SCO1: variants seen among roughly 807,000 people sequenced by gnomAD.
SCO1 encodes the protein cytochrome c oxidase assembly factor SCO1.
Under a neutral mutation model 34.0 loss-of-function variants are expected in SCO1, and 23 were observed. That is an observed-to-expected ratio of 0.68 (90% CI 0.49 to 0.96). SCO1 has a LOEUF of 0.96. Among genes scored for constraint, SCO1 ranks in the 40% least tolerant of loss-of-function variants. The pLI, the probability that SCO1 is intolerant of heterozygous loss-of-function variation, is 0.00. For synonymous variants in SCO1, 161 were observed against 145.5 expected, an observed-to-expected ratio of 1.11 and a Z score of -0.77; for missense variants, 404 against 381.6, an observed-to-expected ratio of 1.06 and a Z score of -0.49.
Position 10,681,027 on chromosome 17 carries a change from A to T in SCO1, c.*92T>A. On this transcript the variant is annotated 3_prime_UTR_variant, in exon 6 of 6. Transcript: ENST00000255390. ...GTATGAAGGCCATTCTGTAGAGTGC[A>T]CGTATATATGTTTATATTTATATAG... The T allele has an allele frequency of 7.0e-7, 1 of 1,419,862 alleles. No homozygotes were observed. The highest frequency in any genetic ancestry group is 1.0e-6 in the Non-Finnish European group (1 of 1,004,466). The allele number at this position is 1,419,862 out of a possible 1,614,324, so 88.0% of individuals were successfully genotyped here.
In SCO1 at chr17:10,674,098, C is replaced by A. The variant is rs542846669; in HGVS notation, c.*7021G>T. 1 of 152,536 alleles carries A rather than the reference C, an allele frequency of 6.6e-6. No homozygotes were observed. Among genetic ancestry groups the A allele is most frequent in the East Asian group, 1.9e-4 (1 of 5,186 alleles). The allele number at this position is 152,536 out of a possible 1,614,324, so 9.4% of individuals were successfully genotyped here. ...TTGAGGAGAATCCATGTGCCTAAGA[C>A]TGAGGTGGGGATCTTGTTAAAATAC... On this transcript the variant is annotated 3_prime_UTR_variant, in exon 6 of 6. Coordinates refer to ENST00000255390, the MANE Select transcript of SCO1 (RefSeq NM_004589.4).
rs1043713404 is a variant in SCO1, at chr17:10,675,279, C to T, written c.*5840G>A. On this transcript the variant is annotated 3_prime_UTR_variant, in exon 6 of 6. Transcript: ENST00000255390. Reference sequence around the variant, plus strand: ...CTGCTGTTGCTGAAGCTTGCTGACACTTTCTCCACGCTGTCTTCTTTCAGG... The same window carrying T: ...CTGCTGTTGCTGAAGCTTGCTGACATTTTCTCCACGCTGTCTTCTTTCAGG... The T allele has an allele frequency of 3.9e-5, 6 of 152,798 alleles. No homozygotes were observed. Among genetic ancestry groups the T allele is most frequent in the Admixed American group, 1.3e-4 (2 of 15,302 alleles). 9.5% of individuals were successfully genotyped at this position (152,798 alleles called of 1,614,324 possible).
chr17:10,683,616 G>A (rs907257402), intron 5 of SCO1, among the ~76,000 whole-genome samples: 2 of 151,980 alleles, frequency 1.3e-5, no homozygotes, highest in Admixed American at 6.6e-5. Context: ...AGAGAAAAAT[G>A]TTACCTCATT....
In SCO1 at chr17:10,690,351, C is replaced by G. The variant is rs368361333; in HGVS notation, c.655+1521G>C. Among the ~76,000 whole-genome samples the G allele has an allele frequency of 8.5e-5, 13 of 152,130 alleles. No individual in the cohort carries two copies. In the East Asian group the frequency reaches 1.5e-3, roughly 18 times the overall value. ...CTCAATCATCTCAACACCAAAAAGA[C>G]AAATAACATTTTTAAAAAGGGCAAA... On this transcript the variant is annotated intron_variant, in intron 4 of 5. Coordinates refer to ENST00000255390, the MANE Select transcript of SCO1 (RefSeq NM_004589.4).
intron 5 of SCO1, 21 bp downstream of exon 5, chr17:10,686,706 A>C (rs1005872594): frequency 2.0e-6 from 3 of 1,474,140 alleles, no homozygotes; most frequent in Non-Finnish European, 2.9e-6. Context: ...TCCATGGGTT[A>C]AAACTGGAAC....
intron 4 of SCO1, among the ~76,000 whole-genome samples, chr17:10,690,127 T>C (rs945978886): frequency 6.6e-6 from 1 of 152,038 alleles, no homozygotes; most frequent in East Asian, 1.9e-4. Flanking sequence ...TTCAGGACAT[T>C]AGTCTGGGAA....
rs143985423 is a variant in SCO1, at chr17:10,697,501, T to A, written c.7A>T (p.Met3Leu). The change falls in exon 1 of 6, where the codon ATG (methionine) becomes TTG (leucine). Residue 3 changes from methionine to leucine, a missense_variant. Physicochemically the swap from Met to Leu is conservative, Grantham distance 15 (BLOSUM62 2). Coordinates refer to ENST00000255390, the MANE Select transcript of SCO1 (RefSeq NM_004589.4). ...ACTCGTCCGGGTACTAGGACCAGCA[T>A]CGCCATGAGCCTCGGAGACCGGGTC... is the stretch of plus-strand genomic sequence containing the variant. MA[M>L]LVLVPGRVMR... The A allele has an allele frequency of 1.2e-6, 2 of 1,613,254 alleles. No individual in the cohort carries two copies. The highest frequency in any genetic ancestry group is 2.2e-5 in the East Asian group (1 of 44,886).
chr17:10,695,975 T>A, intron 1 of SCO1, 144 bp from the exon 2 acceptor site: 1 of 627,554 alleles, frequency 1.6e-6, no homozygotes, highest in Non-Finnish European at 2.8e-6. Flanking sequence ...GAGAAAATGC[T>A]CAAAGTTTCT....
chr17:10,686,808 C>T lies in SCO1; in HGVS notation c.690G>A (p.Thr230=), dbSNP rs773482750. Residue 230 remains threonine (T), a synonymous_variant, in exon 5 of 6, where the codon ACG becomes ACA. Coordinates refer to ENST00000255390, the MANE Select transcript of SCO1 (RefSeq NM_004589.4). The part of the protein sequence containing the change: ...FSPKLVGLTG[T]REEVDQVARA... ...TGGCCACTTGATCGACCTCTTCTCT[C>T]GTGCCAGTCAAGCCAACCAGTTTGG... 45 of 1,613,874 alleles carry T rather than the reference C, an allele frequency of 2.8e-5. No homozygotes were observed. Among genetic ancestry groups the T allele is most frequent in the African/African-American group, 4.0e-5 (3 of 74,884 alleles).
At chr17:10,689,883 A>C (rs2074679793) in intron 4 of SCO1, among the ~76,000 whole-genome samples, 1 of 152,236 alleles carries the variant, frequency 6.6e-6, no homozygotes, top group Non-Finnish European at 1.5e-5. Context: ...AATGGAACAG[A>C]ATAGAGGACC....
chr17:10,687,849 C>T (rs2074666019), intron 4 of SCO1, among the ~76,000 whole-genome samples: 1 of 152,134 alleles, frequency 6.6e-6, no homozygotes, highest in South Asian at 2.1e-4. Flanking sequence ...CGAATGTCTA[C>T]TCATTTGGGG....
chr17:10,692,666 T>C (rs1158825126), intron 3 of SCO1, 98 bp downstream of exon 3: 2 of 989,384 alleles, frequency 2.0e-6, no homozygotes, highest in Non-Finnish European at 3.2e-6. Flanking sequence ...ACAAATCACA[T>C]AATTGCAAAA....
At position 10,674,021 on chromosome 17, in the gene SCO1, T is replaced by C. The variant is rs930686970; in HGVS notation, c.*7098A>G. The C allele has an allele frequency of 1.3e-5, 2 of 152,216 alleles. No individual in the cohort carries two copies. The highest frequency in any genetic ancestry group is 2.4e-5 in the African/African-American group (1 of 41,462). The allele number at this position is 152,216 out of a possible 1,614,324, so 9.4% of individuals were successfully genotyped here. A position where few individuals can be genotyped will look rare whatever the true frequency, so the allele number is the denominator to read the frequency against. The stretch of plus-strand genomic sequence containing the variant: ...ACTTAATTCATTATTCTTTCTTGAC[T>C]TTTTCCCCTTCCCTATTGGGTAAAA... On this transcript the variant is annotated 3_prime_UTR_variant, in exon 6 of 6. Transcript: ENST00000255390.
chr17:10,695,595 A>ATTT, intron 2 of SCO1, 146 bp downstream of exon 2: 2 of 609,318 alleles, frequency 3.3e-6, no homozygotes, highest in Non-Finnish European at 5.9e-6. Context: ...GCTGGGTGAA[A>ATTT]GGTATGTAGA....
intron 5 of SCO1, among the ~76,000 whole-genome samples, chr17:10,686,487 T>G (rs1025947013): frequency 7.4e-6 from 1 of 135,414 alleles, no homozygotes; most frequent in African/African-American, 2.8e-5. Context: ...GAGGCTGACA[T>G]AGGAGAATTG....
In SCO1 at chr17:10,676,591, G is replaced by A. The variant is rs2074582503; in HGVS notation, c.*4528C>T. 1 of 152,128 alleles carries A rather than the reference G, an allele frequency of 6.6e-6. No individual in the cohort carries two copies. Among genetic ancestry groups the A allele is most frequent in the Non-Finnish European group, 1.5e-5 (1 of 68,014 alleles). The allele number at this position is 152,128 out of a possible 1,614,324, so 9.4% of individuals were successfully genotyped here. A position where few individuals can be genotyped will look rare whatever the true frequency, so the allele number is the denominator to read the frequency against. On this transcript the variant is annotated 3_prime_UTR_variant, in exon 6 of 6. Transcript: ENST00000255390. ...ATTTTCACAATAAAAAGGAAAAAAA[G>A]AAAACTCAAGTTTTCTTTCGGTTAA...
intron 4 of SCO1, among the ~76,000 whole-genome samples, chr17:10,688,977 G>A (rs1439100433): frequency 6.7e-6 from 1 of 148,458 alleles, no homozygotes; most frequent in Non-Finnish European, 1.5e-5. Flanking sequence ...TTAGCCGGGC[G>A]TGGTAGCGGG....
intron 1 of SCO1, among the ~76,000 whole-genome samples, chr17:10,696,111 G>C (rs2074723135): frequency 7.7e-6 from 1 of 129,630 alleles, no homozygotes; most frequent in Non-Finnish European, 1.6e-5. Context: ...CAAGTACCAC[G>C]ATTGTTACTA....
At chr17:10,692,114 C>T (rs370650959) in intron 3 of SCO1, 150 bp from the exon 4 acceptor site, 22 of 689,098 alleles carry the variant, frequency 3.2e-5, no homozygotes, top group African/African-American at 2.7e-4. Context: ...AGGAAGAGGA[C>T]GGGGAAGGGG....
Sources: gnomAD v4.1 joint callset for allele counts (sites outside exome capture counted in the v4.1 genomes callset) on GRCh38, gnomAD v4.1.1 for gene constraint, MANE v1.5 for transcripts, NCBI Gene and HGNC (gene_info 2026-07-23, HGNC 2026-07-21) for gene names.